The following DVL1 variants were observed in gnomAD, a reference collection of about 807,000 sequenced individuals.
DVL1 encodes the protein dishevelled segment polarity protein 1.
In DVL1, 49 loss-of-function variants were observed where a neutral mutation model predicts 65.0. That is an observed-to-expected ratio of 0.75 (90% CI 0.60 to 0.96). The LOEUF is 0.96. DVL1 is among the 40% of genes least tolerant of loss of function. The pLI is 0.00. For missense variants in DVL1, 1,197 were observed against 1,045.4 expected (o/e 1.15, Z -2.00); for synonymous variants, 608 against 433.9 (o/e 1.40, Z -4.99).
At position 1,336,217 on chromosome 1, in the gene DVL1, C is replaced by T. The variant is rs755030520; in HGVS notation, c.2013G>A (p.Pro671=). The T allele has an allele frequency of 2.3e-5, 36 of 1,558,694 alleles. No individual in the cohort carries two copies. Among genetic ancestry groups the T allele is most frequent in the Non-Finnish European group, 2.9e-5 (33 of 1,157,482 alleles). ...AGGACTGGCGGCTGCCTGTCAATTC[C>T]GGGGGGACGGCAGCCAGCTCCCGGA... ...PPVRELAAVP[P]ELTGSRQSFQ... The change falls in exon 15 of 15, where the codon CCG becomes CCA. Residue 671 remains proline, a synonymous_variant. Transcript: ENST00000378888.
chr1:1,341,012 AC>A (rs1483167322), intron 5 of DVL1, among the ~76,000 whole-genome samples: 6 of 136,654 alleles, frequency 4.4e-5, no homozygotes, highest in Non-Finnish European at 9.2e-5. Context: ...CTGCACACGC[AC>A]CCCTGCACAA....
At chr1:1,341,049 G>T (rs1428237534) in intron 5 of DVL1, among the ~76,000 whole-genome samples, 1 of 132,884 alleles carries the variant, frequency 7.5e-6, no homozygotes, top group Non-Finnish European at 1.6e-5. Context: ...ACGCACCCCT[G>T]CACACACATG....
Position 1,337,117 on chromosome 1 carries a change from A to G in DVL1, c.1715-602T>C, listed in dbSNP as rs307372. The stretch of plus-strand genomic sequence containing the variant: ...ACGCCCGGCTGCCTGGCACCTGCCC[A>G]GCACCCACCCGCCACCAGTGGGGAC... On this transcript the variant is annotated intron_variant, in intron 14 of 14. Coordinates refer to ENST00000378888, the MANE Select transcript of DVL1 (RefSeq NM_001330311.2). 959,309 of 987,476 alleles carry G rather than the reference A, an allele frequency of 0.97. 466,085 individuals carry two copies. Among genetic ancestry groups the G allele is most frequent in the African/African-American group, 0.99 (56,684 of 57,350 alleles). 61.2% of individuals were successfully genotyped at this position (987,476 alleles called of 1,614,324 possible). A position where few individuals can be genotyped will look rare whatever the true frequency, so the allele number is the denominator to read the frequency against.
chr1:1,341,578 A>G, intron 5 of DVL1, 89 bp downstream of exon 5: 1 of 1,433,404 alleles, frequency 7.0e-7, no homozygotes, highest in Non-Finnish European at 9.2e-7. Context: ...GTGCAATGTG[A>G]AAACACCTCA....
intron 1 of DVL1, among the ~76,000 whole-genome samples, chr1:1,346,485 A>G (rs894473863): frequency 6.6e-6 from 1 of 151,984 alleles, no homozygotes; most frequent in Non-Finnish European, 1.5e-5. Context: ...CACCAAACCC[A>G]GCACCAGGCA....
At chr1:1,346,530 T>C (rs1459014232) in intron 1 of DVL1, among the ~76,000 whole-genome samples, 1 of 152,120 alleles carries the variant, frequency 6.6e-6, no homozygotes, top group East Asian at 1.9e-4. Flanking sequence ...CTCCCAGCCC[T>C]GGGGATCTTG....
intron 3 of DVL1, 90 bp downstream of exon 3, chr1:1,342,273 A>G (rs1643860791): frequency 3.3e-6 from 5 of 1,494,544 alleles, no homozygotes; most frequent in Non-Finnish European, 4.5e-6. Flanking sequence ...ACGCCCGCCT[A>G]CTGGCCCAGG....
chr1:1,343,268 C>G (rs892969254), intron 1 of DVL1, among the ~76,000 whole-genome samples: 4 of 96,084 alleles, frequency 4.2e-5, no homozygotes, highest in East Asian at 2.7e-4. Flanking sequence ...CCCCCCCCCC[C>G]CAGGGCTTCC....
chr1:1,339,348 G>C lies in DVL1; in HGVS notation c.1146C>G (p.Cys382Trp), dbSNP rs1204548650. Residue 382 changes from cysteine (C) to tryptophan (W), a missense_variant, in exon 11 of 15, where the codon TGC becomes TGG. Transcript: ENST00000378888. ...GALPRYGTSPCSSAVTRTSSS... is the reference protein window; with the variant it reads ...GALPRYGTSPWSSAVTRTSSS... Reference sequence around the variant, plus strand: ...AGCTGGTGCGCGTGACGGCGCTGGAGCAGGGACTCGTACCGTAGCGGGGCA... The same window carrying C: ...AGCTGGTGCGCGTGACGGCGCTGGACCAGGGACTCGTACCGTAGCGGGGCA... 1.3e-6 allele frequency: 2 copies of C among 1,548,598 alleles called. No individual in the cohort carries two copies. The highest frequency in any genetic ancestry group is 3.9e-5 in the Admixed American group (2 of 50,984).
chr1:1,336,109 C>T lies in DVL1; in HGVS notation c.*33G>A. 6.4e-7 allele frequency: 1 copy of T among 1,561,824 alleles called. No homozygotes were observed. The highest frequency in any genetic ancestry group is 8.6e-7 in the Non-Finnish European group (1 of 1,160,668). On this transcript the variant is annotated 3_prime_UTR_variant, in exon 15 of 15. Coordinates refer to ENST00000378888, the MANE Select transcript of DVL1 (RefSeq NM_001330311.2). Reference sequence around the variant, plus strand: ...GCATGCGGCAGGACCGCCAGCTCCCCACCTCAGGCAGGGCTGGGGCATGCG... The same window carrying T: ...GCATGCGGCAGGACCGCCAGCTCCCTACCTCAGGCAGGGCTGGGGCATGCG...
At position 1,340,315 on chromosome 1, in the gene DVL1, G is replaced by A. The variant is rs149964617; in HGVS notation, c.701C>T (p.Ala234Val). The A allele has an allele frequency of 5.8e-5, 94 of 1,613,982 alleles. No individual in the cohort carries two copies. Among genetic ancestry groups the A allele is most frequent in the Non-Finnish European group, 7.3e-5 (86 of 1,179,986 alleles). The change falls in exon 7 of 15, where the codon GCC (alanine) becomes GTC (valine). Residue 234 changes from alanine (A) to valine (V), a missense_variant and splice_region_variant. Coordinates refer to ENST00000378888, the MANE Select transcript of DVL1 (RefSeq NM_001330311.2). ...GTCGGTTATGCTGCTGAAGGAGGAG[G>A]CCTATGGAGGAGAGGGGGCGTGTGT... ...RKQRLRQADRASSFSSITDST... is the reference protein window; with the variant it reads ...RKQRLRQADRVSSFSSITDST...
rs11583882 is a variant in DVL1 at position 1,339,427 on chromosome 1, C to G, written c.1067G>C (p.Arg356Pro). Residue 356 changes from arginine (R) to proline (P), a missense_variant, in exon 11 of 15, where the codon CGG becomes CCG. Physicochemically the swap from Arg to Pro is moderately radical, Grantham distance 103. Coordinates refer to ENST00000378888, the MANE Select transcript of DVL1 (RefSeq NM_001330311.2). Reference protein sequence around the residue: ...YFTVPRADPVRPIDPAAWLSH... With the variant: ...YFTVPRADPVPPIDPAAWLSH... ...CAGCCAGGCGGCGGGGTCGATGGGC[C>G]GCACCGGGTCAGCTGGGTGGCCGCC... 1 of 1,548,320 alleles carries G rather than the reference C, an allele frequency of 6.5e-7. No individual in the cohort carries two copies. The highest frequency in any genetic ancestry group is 8.7e-7 in the Non-Finnish European group (1 of 1,146,114).
chr1:1,342,422 G>A lies in DVL1; in HGVS notation c.303C>T (p.Asp101=), dbSNP rs534928261. ...CTGTCCGCTCAAGAGGCGGGGGCAG[G>A]TCTGTGTGGCTGTCCGTGCCCTGGG... ...AGSQGTDSHT[D]LPPPLERTGG... The change falls in exon 3 of 15, where the codon GAC becomes GAT. Residue 101 remains aspartate (D), a synonymous_variant. Transcript: ENST00000378888. 8.8e-6 allele frequency: 14 copies of A among 1,595,966 alleles called. No individual in the cohort carries two copies. Among genetic ancestry groups the A allele is most frequent in the African/African-American group, 1.3e-5 (1 of 74,852 alleles).
At chr1:1,344,331 C>T (rs1470996691) in intron 1 of DVL1, among the ~76,000 whole-genome samples, 2 of 152,222 alleles carry the variant, frequency 1.3e-5, no homozygotes, top group African/African-American at 4.8e-5. Context: ...TACAGAGCCA[C>T]CCCGACTGGC....
chr1:1,342,592 T>TGCC, intron 2 of DVL1, 97 bp downstream of exon 2: 1 of 1,576,422 alleles, frequency 6.3e-7, no homozygotes, highest in Admixed American at 1.8e-5. Context: ...GCACCCAGCC[T>TGCC]GCCAGGGCCT....
At chr1:1,342,523 C>A (rs1300183945) in intron 2 of DVL1, 39 bp from the exon 3 acceptor site, 2 of 1,597,852 alleles carry the variant, frequency 1.3e-6, no homozygotes, top group Non-Finnish European at 1.7e-6. Context: ...AGCCCACCCG[C>A]CTTCAGGACG....
rs779576393 is a variant in DVL1 at position 1,336,343 on chromosome 1, G to A, written c.1887C>T (p.Ser629=). ...RPAGQLSRGS[S]PRSQASATAP... ...CGGTAGCCGAGGCCTGACTGCGTGG[G>A]CTGCTGCCACGGCTGAGCTGGCCGG... Residue 629 remains serine (S), a synonymous_variant, in exon 15 of 15, where the codon AGC becomes AGT. Coordinates refer to ENST00000378888, the MANE Select transcript of DVL1 (RefSeq NM_001330311.2). The A allele has an allele frequency of 3.8e-6, 6 of 1,592,574 alleles. No homozygotes were observed. The highest frequency in any genetic ancestry group is 4.3e-6 in the Non-Finnish European group (5 of 1,176,440).
intron 5 of DVL1, among the ~76,000 whole-genome samples, chr1:1,341,075 G>A (rs926268967): frequency 7.2e-5 from 10 of 138,022 alleles, no homozygotes; most frequent in South Asian, 7.1e-4. Flanking sequence ...CTGCACACAC[G>A]CACCCCTGCA....
chr1:1,336,074 C>T lies in DVL1; in HGVS notation c.*68G>A, dbSNP rs1042392805. On this transcript the variant is annotated 3_prime_UTR_variant, in exon 15 of 15. Transcript: ENST00000378888. ...CCTGGCCCCCACGAAGGCAAGCCCA[C>T]GCGAGCTCTGCATGCGGCAGGACCG... The T allele has an allele frequency of 2.0e-5, 30 of 1,529,152 alleles. No individual in the cohort carries two copies. The highest frequency in any genetic ancestry group is 2.5e-5 in the Non-Finnish European group (29 of 1,142,272). 94.7% of individuals were successfully genotyped at this position (1,529,152 alleles called of 1,614,324 possible). A position where few individuals can be genotyped will look rare whatever the true frequency, so the allele number is the denominator to read the frequency against.
Sources: gnomAD v4.1 joint callset for allele counts (sites outside exome capture counted in the v4.1 genomes callset) on GRCh38, gnomAD v4.1.1 for gene constraint, MANE v1.5 for transcripts, NCBI Gene and HGNC (gene_info 2026-07-23, HGNC 2026-07-21) for gene names.